Variants in NDUFAF6 observed in about 807,000 individuals in gnomAD.
The protein encoded by NDUFAF6 is NADH:ubiquinone oxidoreductase complex assembly factor 6.
A neutral mutation model predicts 40.8 loss-of-function variants in NDUFAF6; 45 were observed. The observed-to-expected ratio is 1.10, with a 90% CI of 0.87 to 1.42. The LOEUF (loss-of-function observed/expected upper bound fraction) is 1.42, where lower values mean the gene tolerates loss of function less well. NDUFAF6 is among the 40% of genes most tolerant of loss of function. The pLI, the probability that NDUFAF6 is intolerant of heterozygous loss-of-function variation, is 0.00. For synonymous variants in NDUFAF6, 185 were observed against 155.9 expected (o/e 1.19, Z -1.39); for missense variants, 435 against 418.5 (o/e 1.04, Z -0.34).
chr8:94,941,000 T>C, intron 1 of NDUFAF6: 1 of 1,315,938 alleles, frequency 7.6e-7, no homozygotes, highest in South Asian at 1.2e-5. Context: ...TTTCAAAACC[T>C]TGTCTTTAGT....
intron 1 of NDUFAF6, chr8:94,939,632 A>T: frequency 1.9e-6 from 1 of 531,182 alleles, no homozygotes; most frequent in Non-Finnish European, 3.3e-6. Flanking sequence ...TCCTGAGCTT[A>T]AGTGATCTGC....
At chr8:94,950,568 G>C (rs1017089207) in intron 2 of NDUFAF6, among the ~76,000 whole-genome samples, 2 of 152,162 alleles carry the variant, frequency 1.3e-5, no homozygotes, top group African/African-American at 4.8e-5. Flanking sequence ...TGCAGTGCAG[G>C]GAGTTGTCAG....
intron 1 of NDUFAF6, 113 bp from the exon 2 acceptor site, chr8:95,031,882 T>G: frequency 3.7e-5 from 37 of 991,660 alleles, no homozygotes; most frequent in Non-Finnish European, 5.4e-5. Flanking sequence ...ATTACAGGCA[T>G]GAGCTACCGC....
chr8:94,920,183 A>G (rs914828595), intron 1 of NDUFAF6, among the ~76,000 whole-genome samples: 3 of 152,240 alleles, frequency 2.0e-5, no homozygotes, highest in African/African-American at 7.2e-5. Context: ...TGATAACACT[A>G]TATAAGAACC....
intron 1 of NDUFAF6, among the ~76,000 whole-genome samples, chr8:94,966,203 G>C (rs1220833979): frequency 6.6e-6 from 1 of 152,178 alleles, no homozygotes; most frequent in Non-Finnish European, 1.5e-5. Context: ...ATCACCTGGG[G>C]AGAGCATGCG....
intron 2 of NDUFAF6, among the ~76,000 whole-genome samples, chr8:94,987,520 A>C (rs1452375072): frequency 6.6e-6 from 1 of 152,184 alleles, no homozygotes; most frequent in South Asian, 2.1e-4. Context: ...AGAGCATTAC[A>C]TTAGAATAGG....
chr8:95,042,482 G>T (rs1830255241), intron 4 of NDUFAF6, among the ~76,000 whole-genome samples: 1 of 152,182 alleles, frequency 6.6e-6, no homozygotes, highest in Non-Finnish European at 1.5e-5. Context: ...GGGAACTCAA[G>T]ACAGAGATAC....
At chr8:94,951,113 AC>A in intron 2 of NDUFAF6, 1 of 152,310 alleles carries the variant, frequency 6.6e-6, no homozygotes, top group East Asian at 1.9e-4. Flanking sequence ...CATTAAGCAA[AC>A]CCCACAGCTT....
chr8:95,107,388 A>G (rs11782625), downstream of NDUFAF6, among the ~76,000 whole-genome samples: 9,345 of 152,272 alleles, frequency 0.061, 354 homozygotes, highest in Middle Eastern at 0.092. Context: ...ACAGAAAACC[A>G]AACAATGCAT....
chr8:94,995,042 A>G (rs1826361901), intron 2 of NDUFAF6, among the ~76,000 whole-genome samples: 1 of 152,264 alleles, frequency 6.6e-6, no homozygotes, highest in Non-Finnish European at 1.5e-5. Flanking sequence ...TCATTGCAGC[A>G]TTATTCATAA....
intron 1 of NDUFAF6, among the ~76,000 whole-genome samples, chr8:94,898,495 G>A (rs924584089): frequency 2.0e-5 from 3 of 152,168 alleles, no homozygotes; most frequent in Admixed American, 1.3e-4. Flanking sequence ...GAAGATCATA[G>A]AGATAAAGTA....
At chr8:94,969,733 T>G (rs1824301382) in intron 1 of NDUFAF6, among the ~76,000 whole-genome samples, 1 of 152,040 alleles carries the variant, frequency 6.6e-6, no homozygotes, top group Non-Finnish European at 1.5e-5. Flanking sequence ...AACCAAACAT[T>G]ATAATAAAAC....
At chr8:94,973,515 T>C (rs1438746633) in intron 1 of NDUFAF6, among the ~76,000 whole-genome samples, 6 of 152,234 alleles carry the variant, frequency 3.9e-5, no homozygotes, top group East Asian at 1.9e-4. Context: ...GAGACCATCC[T>C]AGCTAACACA....
chr8:95,031,912 TGTTTTCA>T, intron 1 of NDUFAF6, 76 bp from the exon 2 acceptor site: 2 of 1,384,090 alleles, frequency 1.4e-6, no homozygotes, highest in African/African-American at 2.8e-5. Context: ...GAAGCCTTTT[TGTTTTCA>T]GTTAATTTTA....
At chr8:95,046,890 A>G (rs1477370420) in intron 5 of NDUFAF6, 104 bp from the exon 6 acceptor site, 10 of 1,502,750 alleles carry the variant, frequency 6.7e-6, no homozygotes, top group Non-Finnish European at 9.2e-6. Flanking sequence ...GTAAAACAGG[A>G]TAAATGTCTC....
intron 1 of NDUFAF6, chr8:94,940,046 C>G: frequency 3.7e-6 from 6 of 1,614,178 alleles, no homozygotes; most frequent in Non-Finnish European, 5.1e-6. Context: ...GGTGATAAAC[C>G]AGCTCTCCTC....
chr8:95,089,142 C>A (rs930810492), intron 2 of NDUFAF6, among the ~76,000 whole-genome samples: 2 of 152,116 alleles, frequency 1.3e-5, no homozygotes, highest in African/African-American at 4.8e-5. Context: ...CCCACTGCAA[C>A]CTCTGCCTCC....
intron 1 of NDUFAF6, chr8:94,930,410 T>C (rs1483642634): frequency 1.9e-6 from 3 of 1,568,728 alleles, no homozygotes; most frequent in Admixed American, 1.8e-5. Context: ...ACATTTTCAC[T>C]GTACATATAC....
chr8:95,076,818 A>G (rs562597119), downstream of NDUFAF6, among the ~76,000 whole-genome samples: 1 of 149,404 alleles, frequency 6.7e-6, no homozygotes, highest in East Asian at 2.0e-4. Flanking sequence ...GTTTGTGGTG[A>G]GCCGAGATCG....
Sources: allele counts gnomAD v4.1 joint callset (sites outside exome capture counted in the v4.1 genomes callset), GRCh38; gene constraint gnomAD v4.1.1; transcripts MANE v1.5; gene names NCBI Gene and HGNC (gene_info 2026-07-23, HGNC 2026-07-21).